The following NUDT14 variants were observed in gnomAD, a reference collection of about 807,000 sequenced individuals.
NUDT14 encodes the protein nudix hydrolase 14.
A neutral mutation model predicts 17.5 loss-of-function variants in NUDT14; 22 were observed. That is an observed-to-expected ratio of 1.26 (90% CI 0.90 to 1.80). The LOEUF is 1.80. Among genes scored for constraint, NUDT14 ranks in the 40% most tolerant of loss-of-function variants. The probability of loss-of-function intolerance (pLI) is 0.00; values close to 1 mark genes in which losing one functional copy is unlikely to be tolerated. For missense variants in NUDT14, 296 were observed against 295.6 expected (o/e 1.00, Z -0.01); for synonymous variants, 129 against 125.8 (o/e 1.03, Z -0.17).
chr14:105,177,579 C>A, intron 2 of NUDT14, 113 bp downstream of exon 2: 1 of 977,706 alleles, frequency 1.0e-6, no homozygotes, highest in Non-Finnish European at 1.6e-6. Flanking sequence ...TTTTGGAGCC[C>A]ACGCAGGGAA....
At chr14:105,178,247 G>A (rs1889258417) in intron 1 of NUDT14, among the ~76,000 whole-genome samples, 3 of 152,056 alleles carry the variant, frequency 2.0e-5, no homozygotes, top group Admixed American at 1.3e-4. Context: ...GGCAGGAGGG[G>A]CTGGCACCAG....
intron 2 of NUDT14, chr14:105,177,409 A>T (rs1889239460): frequency 5.5e-6 from 3 of 550,216 alleles, no homozygotes; most frequent in Non-Finnish European, 9.9e-6. Context: ...CAGACCCTGG[A>T]TGCTAGGGGC....
At chr14:105,174,775 C>T (rs1376863715) in intron 4 of NUDT14, among the ~76,000 whole-genome samples, 3 of 152,182 alleles carry the variant, frequency 2.0e-5, no homozygotes, top group Non-Finnish European at 4.4e-5. Context: ...ACGCCTCCCC[C>T]ACCCCAGGGC....
intron 3 of NUDT14, 63 bp from the exon 4 acceptor site, chr14:105,176,834 A>G: frequency 6.4e-7 from 1 of 1,574,596 alleles, no homozygotes; most frequent in African/African-American, 1.3e-5. Flanking sequence ...GGTCACCCAC[A>G]CAGCCAAGCC....
intron 4 of NUDT14, chr14:105,175,620 G>A (rs587638628): frequency 3.4e-5 from 23 of 675,678 alleles, no homozygotes; most frequent in African/African-American, 3.9e-5. Context: ...GGCTGGTCTC[G>A]AACTCCTGAC....
At position 105,173,364 on chromosome 14, in the gene NUDT14, A is replaced by G. The variant is rs1566776447; in HGVS notation, c.429-103T>C. 3.7e-5 allele frequency: 48 copies of G among 1,290,878 alleles called. No individual in the cohort carries two copies. The highest frequency in any genetic ancestry group is 4.6e-5 in the Non-Finnish European group (46 of 999,764). 80.0% of individuals were successfully genotyped at this position (1,290,878 alleles called of 1,614,324 possible). The stretch of plus-strand genomic sequence containing the variant: ...CCACCCTCTCCACTCTGCTCCCTCC[A>G]GCCCTCCAGTAGGCAGGACTCTGGG... On this transcript the variant is annotated intron_variant, in intron 4 of 4. Coordinates refer to ENST00000392568, the MANE Select transcript of NUDT14 (RefSeq NM_177533.5). The surrounding 1 kb of genome is among the most constrained non-coding windows in gnomAD (Gnocchi z 4.7).
At chr14:105,180,947 G>C (rs1889312253) in intron 1 of NUDT14, among the ~76,000 whole-genome samples, 182 bp downstream of exon 1, 1 of 152,084 alleles carries the variant, frequency 6.6e-6, no homozygotes, top group Non-Finnish European at 1.5e-5. Flanking sequence ...CCCCGGCCTG[G>C]GGGCTCACTG....
At position 105,177,707 on chromosome 14, in the gene NUDT14, A is replaced by C. The variant is rs1440561033; in HGVS notation, c.110T>G (p.Met37Arg). The change falls in exon 2 of 5, where the codon ATG becomes AGG. Residue 37 changes from methionine to arginine, a missense_variant. Physicochemically the swap from Met to Arg is moderately conservative, Grantham distance 91. Transcript: ENST00000392568. ...AGGCTCTCACCTGTCATGCGTCTTCATGAAGTCCCAGGACTTCTGGGCACC... is the reference window on the plus strand; with the variant it reads ...AGGCTCTCACCTGTCATGCGTCTTCCTGAAGTCCCAGGACTTCTGGGCACC... ...QNGAQKSWDF[M>R]KTHDSVTVLL... 6.2e-7 allele frequency: 1 copy of C among 1,612,450 alleles called. No individual in the cohort carries two copies. Among genetic ancestry groups the C allele is most frequent in the South Asian group, 1.1e-5 (1 of 91,090 alleles).
At position 105,176,763 on chromosome 14, in the gene NUDT14, C is replaced by A; in HGVS notation, c.199G>T (p.Ala67Ser). ...LVKQFRPAVY[A>S]GEVERRFPGS... ...GGGAAGCGGCGCTCCACCTCACCCGCATACACAGCTGCGTGGGAAGAAGCC... is the reference window on the plus strand; with the variant it reads ...GGGAAGCGGCGCTCCACCTCACCCGAATACACAGCTGCGTGGGAAGAAGCC... Residue 67 changes from alanine (A) to serine (S), a missense_variant, in exon 4 of 5, where the codon GCG becomes TCG. By Grantham distance (99) the Ala-to-Ser change is moderately conservative. Coordinates refer to ENST00000392568, the MANE Select transcript of NUDT14 (RefSeq NM_177533.5). 6.2e-7 allele frequency: 1 copy of A among 1,612,276 alleles called. No homozygotes were observed. The highest frequency in any genetic ancestry group is 8.5e-7 in the Non-Finnish European group (1 of 1,179,800).
intron 4 of NUDT14, among the ~76,000 whole-genome samples, chr14:105,174,685 C>T (rs1423199585): frequency 1.3e-5 from 2 of 152,142 alleles, no homozygotes; most frequent in African/African-American, 2.4e-5. Flanking sequence ...GGTTTCCAGC[C>T]CCGGTTTCCG....
Position 105,176,516 on chromosome 14 carries a change from G to A in NUDT14, c.428+18C>T. On this transcript the variant is annotated intron_variant, in intron 4 of 4. Coordinates refer to ENST00000392568, the MANE Select transcript of NUDT14 (RefSeq NM_177533.5). ...CTCCTGAGTCACACCACAGGCCTGA[G>A]GGCCTGGTCCCACTCACCAGTATGT... The A allele has an allele frequency of 1.3e-6, 2 of 1,589,014 alleles. No individual in the cohort carries two copies. Among genetic ancestry groups the A allele is most frequent in the South Asian group, 1.1e-5 (1 of 90,588 alleles).
intron 2 of NUDT14, 77 bp from the exon 3 acceptor site, chr14:105,177,104 CCCAGCGTGGCCATCCCACCTCCTTG>C: frequency 1.4e-6 from 2 of 1,387,286 alleles, no homozygotes; most frequent in South Asian, 2.4e-5. Flanking sequence ...TCTTTCTGTT[CCCAGCGTGGCCATCCCACCTCCTTG>C]CCAGCAGCCC....
intron 1 of NUDT14, among the ~76,000 whole-genome samples, chr14:105,178,087 G>C (rs1046685474): frequency 2.6e-5 from 4 of 152,158 alleles, no homozygotes; most frequent in Admixed American, 6.5e-5. Flanking sequence ...GAGGCTCGGG[G>C]AGGGCAGGCG....
chr14:105,176,037 C>T, intron 4 of NUDT14: 4 of 1,215,876 alleles, frequency 3.3e-6, no homozygotes, highest in Non-Finnish European at 4.2e-6. Flanking sequence ...GGGAAGGCAA[C>T]CCCACCCCAG....
Position 105,173,131 on chromosome 14 carries a change from C to T in NUDT14, c.559G>A (p.Glu187Lys). Residue 187 changes from glutamate to lysine, a missense_variant, in exon 5 of 5, where the codon GAA (glutamate) becomes AAA (lysine). Transcript: ENST00000392568. The surrounding 1 kb of genome is among the most constrained non-coding windows in gnomAD (Gnocchi z 4.7). Reference sequence around the variant, plus strand: ...TCGTCTGCAAAGGCCTGGGCGCCTTCCAGGGGCAGGTGCACCACCTCAATG... The same window carrying T: ...TCGTCTGCAAAGGCCTGGGCGCCTTTCAGGGGCAGGTGCACCACCTCAATG... ...ELIEVVHLPLEGAQAFADDPD... is the reference protein window; with the variant it reads ...ELIEVVHLPLKGAQAFADDPD... 1.2e-6 allele frequency: 2 copies of T among 1,608,330 alleles called. No homozygotes were observed. Among genetic ancestry groups the T allele is most frequent in the Non-Finnish European group, 1.7e-6 (2 of 1,178,066 alleles).
chr14:105,180,364 G>A (rs1889301141), intron 1 of NUDT14, among the ~76,000 whole-genome samples: 1 of 152,142 alleles, frequency 6.6e-6, no homozygotes, highest in African/African-American at 2.4e-5. Context: ...ACTGGGGCGG[G>A]GGCTGAGGCA....
At chr14:105,177,649 A>G in intron 2 of NUDT14, 43 bp downstream of exon 2, 1 of 1,594,642 alleles carries the variant, frequency 6.3e-7, no homozygotes, top group Non-Finnish European at 8.6e-7. Context: ...CGTAGACATC[A>G]GTCTGGGGCT....
intron 4 of NUDT14, among the ~76,000 whole-genome samples, chr14:105,174,750 C>T (rs1889176120): frequency 6.6e-6 from 1 of 152,136 alleles, no homozygotes; most frequent in Admixed American, 6.5e-5. Flanking sequence ...AGGAATCTGC[C>T]AGCCAGGCTG....
chr14:105,173,171 C>T lies in NUDT14; in HGVS notation c.519G>A (p.Val173=). 6.2e-7 allele frequency: 1 copy of T among 1,611,146 alleles called. No individual in the cohort carries two copies. The highest frequency in any genetic ancestry group is 8.5e-7 in the Non-Finnish European group (1 of 1,179,316). ...AQRSGPGGGL[V]EEGELIEVVH... is the part of the protein sequence containing the mutation. ...CCACCTCAATGAGCTCACCCTCCTC[C>T]ACCAGGCCCCCACCTGGACCGCTAC... is the stretch of plus-strand genomic sequence containing the variant. The change falls in exon 5 of 5, where the codon GTG becomes GTA. Residue 173 remains valine, a synonymous_variant. Coordinates refer to ENST00000392568, the MANE Select transcript of NUDT14 (RefSeq NM_177533.5). The surrounding 1 kb of genome is among the most constrained non-coding windows in gnomAD (Gnocchi z 4.7).
Sources: allele counts gnomAD v4.1 joint callset (sites outside exome capture counted in the v4.1 genomes callset), GRCh38; gene constraint gnomAD v4.1.1; non-coding constraint Gnocchi (gnomAD v3.1); transcripts MANE v1.5; gene names NCBI Gene and HGNC (gene_info 2026-07-23, HGNC 2026-07-21).